XRCC4: variants seen among roughly 807,000 people sequenced by gnomAD.
XRCC4 encodes the protein DNA repair protein XRCC4.
In XRCC4, 28 loss-of-function variants were observed where a neutral mutation model predicts 39.1. That is an observed-to-expected ratio of 0.72 (90% CI 0.53 to 0.98). The LOEUF (loss-of-function observed/expected upper bound fraction) is 0.98, where lower values mean the gene tolerates loss of function less well. Among genes scored for constraint, XRCC4 ranks in the 50% least tolerant of loss-of-function variants. XRCC4 has a pLI of 0.00. For synonymous variants in XRCC4, 123 were observed against 126.4 expected (o/e 0.97, Z 0.18); for missense variants, 350 against 376.4 (o/e 0.93, Z 0.58).
chr5:83,181,924 A>G (rs1224068729), intron 3 of XRCC4, among the ~76,000 whole-genome samples: 1 of 152,154 alleles, frequency 6.6e-6, no homozygotes, highest in East Asian at 1.9e-4. Flanking sequence ...GCCTATCGAT[A>G]TCTTTGAGGT....
At chr5:83,345,695 C>T (rs578035911) in intron 7 of XRCC4, among the ~76,000 whole-genome samples, 13 of 152,128 alleles carry the variant, frequency 8.5e-5, no homozygotes, top group East Asian at 5.8e-4. Flanking sequence ...GAATAGGAAG[C>T]GATTGCTATT....
At chr5:83,360,658 A>G in the XRCC4 span, among the ~76,000 whole-genome samples, 86 of 152,188 alleles carry the variant, frequency 5.7e-4, no homozygotes, top group Middle Eastern at 3.4e-3. Flanking sequence ...ACATGCCACA[A>G]GTAGCTGCTG....
chr5:83,321,165 CTT>C (rs1756060703), intron 7 of XRCC4, among the ~76,000 whole-genome samples: 1 of 152,078 alleles, frequency 6.6e-6, no homozygotes, highest in African/African-American at 2.4e-5. Flanking sequence ...GTAAACATAA[CTT>C]TTTCTGCACA....
intron 7 of XRCC4, among the ~76,000 whole-genome samples, chr5:83,315,333 A>G (rs116686541): frequency 0.028 from 4,199 of 152,224 alleles, 188 homozygotes; most frequent in African/African-American, 0.095. Flanking sequence ...GCCATTTATA[A>G]CAAAAATGCA....
chr5:83,168,588 T>C (rs918512742), intron 3 of XRCC4, among the ~76,000 whole-genome samples: 31 of 152,302 alleles, frequency 2.0e-4, no homozygotes, highest in Admixed American at 2.0e-3. Flanking sequence ...TTTTCATGCA[T>C]ACTAAAACAT....
chr5:83,339,814 T>C (rs1274526889), intron 7 of XRCC4, among the ~76,000 whole-genome samples: 2 of 152,100 alleles, frequency 1.3e-5, no homozygotes, highest in Non-Finnish European at 2.9e-5. Flanking sequence ...TTAGAACCAT[T>C]GTAGTGAAAC....
At chr5:83,285,148 A>G (rs1464492898) in intron 7 of XRCC4, among the ~76,000 whole-genome samples, 1 of 152,198 alleles carries the variant, frequency 6.6e-6, no homozygotes, top group African/African-American at 2.4e-5. Flanking sequence ...ACAGCTTAAT[A>G]AAAAGCAAGT....
chr5:83,107,097 A>G (rs1272444874), intron 2 of XRCC4, among the ~76,000 whole-genome samples: 2 of 152,024 alleles, frequency 1.3e-5, no homozygotes, highest in Non-Finnish European at 2.9e-5. Context: ...AAGCTTTAAA[A>G]CAGAAAATTT....
chr5:83,085,829 C>T (rs1235588817), intron 1 of XRCC4, among the ~76,000 whole-genome samples: 1 of 152,202 alleles, frequency 6.6e-6, no homozygotes, highest in East Asian at 1.9e-4. Flanking sequence ...TTGTCATTAT[C>T]TGACAAGCAT....
chr5:83,178,110 G>T (rs1750042483), intron 3 of XRCC4, among the ~76,000 whole-genome samples: 1 of 152,104 alleles, frequency 6.6e-6, no homozygotes, highest in Admixed American at 6.6e-5. Context: ...GCAAAATCAA[G>T]GATGATGCTC....
intron 3 of XRCC4, among the ~76,000 whole-genome samples, chr5:83,186,956 T>C: frequency 2.3e-5 from 1 of 44,240 alleles, no homozygotes; most frequent in Non-Finnish European, 5.1e-5. Context: ...TTTTTTTTTT[T>C]TTTTTGAGAC....
chr5:83,231,553 A>C (rs1186497214), intron 6 of XRCC4, among the ~76,000 whole-genome samples: 2 of 152,094 alleles, frequency 1.3e-5, no homozygotes, highest in African/African-American at 4.8e-5. Context: ...TGCCATGTTT[A>C]AATACCATTA....
chr5:83,324,021 C>G (rs1417569052), intron 7 of XRCC4, among the ~76,000 whole-genome samples: 2 of 151,986 alleles, frequency 1.3e-5, no homozygotes, highest in African/African-American at 4.8e-5. Flanking sequence ...CAGTTTTCAT[C>G]AGATATTTTG....
At chr5:83,346,358 T>C (rs1311534974) in intron 7 of XRCC4, among the ~76,000 whole-genome samples, 1 of 152,184 alleles carries the variant, frequency 6.6e-6, no homozygotes, top group Non-Finnish European at 1.5e-5. Flanking sequence ...CCAAAATTTC[T>C]ATTGAGATTC....
At chr5:83,264,227 T>G (rs1753874021) in intron 7 of XRCC4, among the ~76,000 whole-genome samples, 1 of 152,142 alleles carries the variant, frequency 6.6e-6, no homozygotes, top group East Asian at 1.9e-4. Context: ...GCATCAGAAT[T>G]TTTGTAGCTT....
intron 7 of XRCC4, among the ~76,000 whole-genome samples, chr5:83,275,507 G>T (rs1382995699): frequency 1.3e-5 from 2 of 151,914 alleles, no homozygotes; most frequent in Admixed American, 1.3e-4. Context: ...GTTTTAGCCG[G>T]GATGGTCTCG....
At chr5:83,252,812 T>G (rs1753376322) in intron 6 of XRCC4, among the ~76,000 whole-genome samples, 1 of 152,166 alleles carries the variant, frequency 6.6e-6, no homozygotes, top group Non-Finnish European at 1.5e-5. Flanking sequence ...TAAGTAAGTT[T>G]TTGATTAAAA....
intron 6 of XRCC4, among the ~76,000 whole-genome samples, chr5:83,221,159 A>G (rs1174594288): frequency 1.3e-5 from 2 of 152,198 alleles, no homozygotes; most frequent in Non-Finnish European, 2.9e-5. Flanking sequence ...AATTATTGTT[A>G]CTACTATTCA....
At chr5:83,269,358 G>C (rs993958685) in intron 7 of XRCC4, among the ~76,000 whole-genome samples, 11 of 151,702 alleles carry the variant, frequency 7.3e-5, no homozygotes, top group African/African-American at 2.4e-4. Context: ...AGGAGGATAG[G>C]ATGTAATTTC....
Sources: allele counts gnomAD v4.1 joint callset (sites outside exome capture counted in the v4.1 genomes callset), GRCh38; gene constraint gnomAD v4.1.1; transcripts MANE v1.5; gene names NCBI Gene and HGNC (gene_info 2026-07-23, HGNC 2026-07-21).